STAU2: variants seen among roughly 807,000 people sequenced by gnomAD.
The protein encoded by STAU2 is double-stranded RNA-binding protein Staufen homolog 2.
In STAU2, 20 loss-of-function variants were observed where a neutral mutation model predicts 65.9. That is an observed-to-expected ratio of 0.30 (90% CI 0.21 to 0.44). The LOEUF is 0.44. Among genes scored for constraint, STAU2 ranks in the 20% least tolerant of loss-of-function variants. STAU2 has a pLI of 1.00. For missense variants in STAU2, 558 were observed against 683.9 expected (o/e 0.82, Z 2.05); for synonymous variants, 232 against 233.9 (o/e 0.99, Z 0.07).
At chr8:73,694,686 C>A (rs1303848800) in intron 4 of STAU2, among the ~76,000 whole-genome samples, 1 of 152,094 alleles carries the variant, frequency 6.6e-6, no homozygotes, top group Non-Finnish European at 1.5e-5. Context: ...CTTCATATTG[C>A]CAAAAGAGGC....
At chr8:73,467,057 A>G (rs1319240850) in intron 13 of STAU2, among the ~76,000 whole-genome samples, 1 of 152,216 alleles carries the variant, frequency 6.6e-6, no homozygotes, top group Non-Finnish European at 1.5e-5. Flanking sequence ...TTGAGTTCCT[A>G]TAGAATATGC....
intron 3 of STAU2, among the ~76,000 whole-genome samples, chr8:73,717,656 T>C (rs1821346442): frequency 6.6e-6 from 1 of 152,112 alleles, no homozygotes; most frequent in African/African-American, 2.4e-5. Context: ...GTTGTTGTTG[T>C]TGTTGTTTTG....
intron 3 of STAU2, among the ~76,000 whole-genome samples, chr8:73,721,287 C>CAAAA (rs35721754): frequency 8.0e-5 from 1 of 12,456 alleles, no homozygotes; most frequent in East Asian, 2.7e-3. Context: ...ACCCCACCTC[C>CAAAA]AAAAAAAAAA....
At chr8:73,593,567 A>G (rs112138879) in intron 11 of STAU2, among the ~76,000 whole-genome samples, 2,006 of 152,280 alleles carry the variant, frequency 0.013, 37 homozygotes, top group African/African-American at 0.044. Context: ...AAATGGTCAA[A>G]CATTATTCTG....
intron 5 of STAU2, among the ~76,000 whole-genome samples, chr8:73,686,870 G>T (rs1314523985): frequency 6.7e-6 from 1 of 149,128 alleles, no homozygotes; most frequent in Admixed American, 6.7e-5. Context: ...GGTGGTTTGC[G>T]GAATTTGTGA....
chr8:73,608,177 T>C (rs1812167206), intron 9 of STAU2, among the ~76,000 whole-genome samples: 1 of 152,192 alleles, frequency 6.6e-6, no homozygotes, highest in African/African-American at 2.4e-5. Flanking sequence ...GATCATACTT[T>C]TTAAACGATC....
At chr8:73,596,629 G>A (rs1286710342) in intron 10 of STAU2, among the ~76,000 whole-genome samples, 1 of 152,110 alleles carries the variant, frequency 6.6e-6, no homozygotes, top group East Asian at 1.9e-4. Context: ...TAGGAGGATT[G>A]TTTGAGGCCA....
chr8:73,658,943 C>CAAAAAAAAAAA (rs71269931), intron 6 of STAU2, among the ~76,000 whole-genome samples: 1 of 141,948 alleles, frequency 7.0e-6, no homozygotes, highest in East Asian at 2.0e-4. Flanking sequence ...ACAAAAACAA[C>CAAAAAAAAAAA]AAAAAAAAAA....
intron 13 of STAU2, among the ~76,000 whole-genome samples, chr8:73,541,399 C>A (rs899302221): frequency 3.3e-5 from 5 of 152,066 alleles, no homozygotes; most frequent in African/African-American, 9.7e-5. Context: ...CTGAGGGATA[C>A]CACCATGGAG....
chr8:73,484,091 T>A (rs1282826989), intron 13 of STAU2, among the ~76,000 whole-genome samples: 2 of 152,158 alleles, frequency 1.3e-5, no homozygotes, highest in Non-Finnish European at 2.9e-5. Context: ...AAGCTACATT[T>A]CATACAAACA....
At chr8:73,542,879 T>A (rs1420284260) in intron 13 of STAU2, among the ~76,000 whole-genome samples, 1 of 152,174 alleles carries the variant, frequency 6.6e-6, no homozygotes, top group East Asian at 1.9e-4. Flanking sequence ...GAAAGTTTCT[T>A]ATAACATTGT....
intron 12 of STAU2, among the ~76,000 whole-genome samples, chr8:73,555,533 T>G (rs866983665): frequency 5.9e-5 from 9 of 151,858 alleles, no homozygotes; most frequent in Middle Eastern, 6.8e-3. Context: ...AGAAAACATT[T>G]GCAAAGAGAA....
intron 13 of STAU2, among the ~76,000 whole-genome samples, chr8:73,457,602 C>T (rs1009999183): frequency 6.6e-6 from 1 of 152,252 alleles, no homozygotes; most frequent in African/African-American, 2.4e-5. Context: ...TCTCCCACGT[C>T]CCTATGACGC....
At chr8:73,667,242 T>C (rs1444209346) in intron 6 of STAU2, among the ~76,000 whole-genome samples, 1 of 152,112 alleles carries the variant, frequency 6.6e-6, no homozygotes, top group African/African-American at 2.4e-5. Flanking sequence ...TCCCTTCAAG[T>C]TTTAGGAATA....
intron 13 of STAU2, among the ~76,000 whole-genome samples, chr8:73,543,189 C>T (rs940871466): frequency 6.6e-6 from 1 of 152,096 alleles, no homozygotes; most frequent in Non-Finnish European, 1.5e-5. Context: ...CTGTGTAATT[C>T]CACCTATATG....
intron 13 of STAU2, among the ~76,000 whole-genome samples, chr8:73,485,840 AC>A (rs1820883770): frequency 6.6e-6 from 1 of 152,136 alleles, no homozygotes; most frequent in Non-Finnish European, 1.5e-5. Flanking sequence ...TCTCAAACAA[AC>A]AAACAAACAA....
chr8:73,479,930 G>A (rs966030226), intron 13 of STAU2, among the ~76,000 whole-genome samples: 6 of 151,770 alleles, frequency 4.0e-5, no homozygotes, highest in African/African-American at 7.3e-5. Context: ...TACTGCTCCC[G>A]TCTTCCTACT....
chr8:73,731,638 C>T (rs1441984678), intron 3 of STAU2, among the ~76,000 whole-genome samples: 1 of 152,118 alleles, frequency 6.6e-6, no homozygotes, highest in African/African-American at 2.4e-5. Flanking sequence ...AATTTTGTGG[C>T]TTTAAAAATC....
intron 12 of STAU2, among the ~76,000 whole-genome samples, chr8:73,562,775 T>G (rs140382664): frequency 1.6e-3 from 249 of 152,080 alleles, no homozygotes; most frequent in African/African-American, 5.8e-3. Context: ...TATGGAAGAA[T>G]CCACAATATT....
Sources: gnomAD v4.1 joint callset for allele counts (sites outside exome capture counted in the v4.1 genomes callset) on GRCh38, gnomAD v4.1.1 for gene constraint, MANE v1.5 for transcripts, NCBI Gene and HGNC (gene_info 2026-07-23, HGNC 2026-07-21) for gene names.